Variants in TENM2 observed in about 807,000 individuals in gnomAD.
The protein encoded by TENM2 is teneurin transmembrane protein 2.
Under a neutral mutation model 245.2 loss-of-function variants are expected in TENM2, and 52 were observed. The ratio of observed to expected loss-of-function variants is 0.21; its 90% CI spans 0.17 to 0.27. The LOEUF (loss-of-function observed/expected upper bound fraction) is 0.27, where lower values mean the gene tolerates loss of function less well. Among genes scored for constraint, TENM2 ranks in the 10% least tolerant of loss-of-function variants. The pLI, the probability that TENM2 is intolerant of heterozygous loss-of-function variation, is 1.00. For missense variants in TENM2, 3,046 were observed against 3,666.8 expected (o/e 0.83, Z 4.37); for synonymous variants, 1,363 against 1,438.9 (o/e 0.95, Z 1.19).
chr5:167,444,158 C>T (rs1431064480), intron 2 of TENM2, among the ~76,000 whole-genome samples: 1 of 152,068 alleles, frequency 6.6e-6, no homozygotes. Context: ...AATAGCATGT[C>T]TTTGTCATAA....
chr5:167,977,029 G>A (rs1466953425), intron 4 of TENM2, among the ~76,000 whole-genome samples: 1 of 152,160 alleles, frequency 6.6e-6, no homozygotes, highest in African/African-American at 2.4e-5. Context: ...CATGGATGGA[G>A]CTAGAGACCA....
intron 2 of TENM2, among the ~76,000 whole-genome samples, chr5:167,385,856 ATGTGTGTG>A (rs60407919): frequency 0.047 from 6,579 of 139,066 alleles, 233 homozygotes; most frequent in African/African-American, 0.11. Context: ...TTATATATAT[ATGTGTGTG>A]TGTGTGTGTG....
At chr5:167,085,032 G>T in the TENM2 span, among the ~76,000 whole-genome samples, 2 of 152,014 alleles carry the variant, frequency 1.3e-5, no homozygotes, top group African/African-American at 4.8e-5. Flanking sequence ...TTACTCTTTT[G>T]CATCCTTGAA....
At chr5:168,140,219 T>G (rs1383369496) in intron 12 of TENM2, among the ~76,000 whole-genome samples, 1 of 152,244 alleles carries the variant, frequency 6.6e-6, no homozygotes, top group Non-Finnish European at 1.5e-5. Context: ...GACTTTGTGT[T>G]GCCTCAGTCA....
intron 3 of TENM2, among the ~76,000 whole-genome samples, chr5:167,911,049 A>G (rs1208047189): frequency 6.6e-6 from 1 of 152,216 alleles, no homozygotes; most frequent in Non-Finnish European, 1.5e-5. Flanking sequence ...AGAAGATTTG[A>G]TGTTTTTTTC....
intron 1 of TENM2, among the ~76,000 whole-genome samples, chr5:167,289,034 G>C (rs1443900448): frequency 1.3e-5 from 2 of 152,142 alleles, no homozygotes; most frequent in African/African-American, 4.8e-5. Context: ...CAGCCCTGCT[G>C]ATCTAATTCC....
intron 2 of TENM2, among the ~76,000 whole-genome samples, chr5:167,691,663 G>A (rs1183306859): frequency 1.3e-5 from 2 of 152,138 alleles, no homozygotes; most frequent in African/African-American, 2.4e-5. Flanking sequence ...GAAAGAGTAG[G>A]GTCATTGCGC....
intron 2 of TENM2, among the ~76,000 whole-genome samples, chr5:167,577,855 G>C (rs1396911365): frequency 6.6e-6 from 1 of 152,174 alleles, no homozygotes; most frequent in Non-Finnish European, 1.5e-5. Context: ...GCGCCAAACA[G>C]CCTACTGGAC....
chr5:167,946,582 T>C (rs1412970449), intron 3 of TENM2, among the ~76,000 whole-genome samples: 1 of 152,172 alleles, frequency 6.6e-6, no homozygotes, highest in Non-Finnish European at 1.5e-5. Context: ...GTCCAGGCTG[T>C]TTTCCTCTGT....
the TENM2 span, among the ~76,000 whole-genome samples, chr5:167,242,711 T>C: frequency 6.6e-6 from 1 of 152,210 alleles, no homozygotes; most frequent in Non-Finnish European, 1.5e-5. Flanking sequence ...CAGTATGTAA[T>C]ATATATAACA....
intron 2 of TENM2, among the ~76,000 whole-genome samples, chr5:167,538,886 G>C (rs1337426951): frequency 1.3e-5 from 2 of 152,088 alleles, no homozygotes; most frequent in African/African-American, 4.8e-5. Context: ...TAAGAGTTAG[G>C]CTCTCTCTAG....
intron 2 of TENM2, among the ~76,000 whole-genome samples, chr5:167,408,523 C>T (rs538772162): frequency 6.6e-6 from 1 of 152,094 alleles, no homozygotes; most frequent in Admixed American, 6.6e-5. Flanking sequence ...TTTATTATAT[C>T]ATTGAGAAAT....
rs530179027 is a variant in TENM2, at chr5:167,554,798, G to A, written c.502+179325G>A. On this transcript the variant is annotated intron_variant, in intron 2 of 28. Transcript: ENST00000518659. ...GACCAAGAAGTGGATTGGGCCAAGA[G>A]GGTGGCAAAGATAAGAAACTCAAGA... 7.4e-4 allele frequency among the ~76,000 whole-genome samples: 113 copies of A among 152,200 alleles called. No homozygotes were observed. In the Middle Eastern group the frequency reaches 0.01, roughly 14 times the overall value.
At chr5:167,171,741 C>T in the TENM2 span, among the ~76,000 whole-genome samples, 1 of 152,178 alleles carries the variant, frequency 6.6e-6, no homozygotes, top group Non-Finnish European at 1.5e-5. Context: ...GGAAGATCAA[C>T]TGAGAAGAAA....
At chr5:167,374,029 T>A (rs1011317164) in intron 1 of TENM2, among the ~76,000 whole-genome samples, 1 of 152,146 alleles carries the variant, frequency 6.6e-6, no homozygotes, top group African/African-American at 2.4e-5. Flanking sequence ...GGCTTTAAAT[T>A]GTGTTAGCAA....
intron 2 of TENM2, among the ~76,000 whole-genome samples, chr5:167,609,515 A>T (rs1414997666): frequency 3.4e-5 from 3 of 87,824 alleles, no homozygotes; most frequent in Non-Finnish European, 5.5e-5. Context: ...AAAAAAAACA[A>T]AACCTTACCT....
At chr5:167,970,620 AT>A (rs1264014049) in intron 4 of TENM2, among the ~76,000 whole-genome samples, 1 of 152,218 alleles carries the variant, frequency 6.6e-6, no homozygotes, top group Non-Finnish European at 1.5e-5. Flanking sequence ...ATTCTCAGCA[AT>A]GCAGTATATT....
At chr5:167,038,731 C>T in the TENM2 span, among the ~76,000 whole-genome samples, 373 of 152,284 alleles carry the variant, frequency 2.4e-3, 2 homozygotes, top group Admixed American at 7.0e-3. Context: ...TAATTCCGTT[C>T]TTTCAACTTA....
chr5:167,744,238 C>T (rs1761403008), intron 2 of TENM2, among the ~76,000 whole-genome samples: 1 of 152,150 alleles, frequency 6.6e-6, no homozygotes, highest in South Asian at 2.1e-4. Context: ...CCAAATTCCT[C>T]CTCCCTGTCT....
Sources: gnomAD v4.1 joint callset for allele counts (sites outside exome capture counted in the v4.1 genomes callset) on GRCh38, gnomAD v4.1.1 for gene constraint, MANE v1.5 for transcripts, NCBI Gene and HGNC (gene_info 2026-07-23, HGNC 2026-07-21) for gene names.